NCKAP5: variants seen among roughly 807,000 people sequenced by gnomAD.
NCKAP5 encodes nck-associated protein 5.
In NCKAP5, 92 loss-of-function variants were observed where a neutral mutation model predicts 167.0. That is an observed-to-expected ratio of 0.55 (90% confidence interval 0.47 to 0.66). The LOEUF (loss-of-function observed/expected upper bound fraction) is 0.66. NCKAP5 is among the 30% of genes least tolerant of loss of function. The probability of loss-of-function intolerance (pLI) is 0.00; values close to 1 mark genes in which losing one functional copy is unlikely to be tolerated. For missense variants in NCKAP5, 2,378 were observed against 2,315.0 expected (o/e 1.03, Z -0.56); for synonymous variants, 891 against 877.4 (o/e 1.02, Z -0.27).
At chr2:133,418,420 C>T (rs1215972955) in intron 3 of NCKAP5, among the ~76,000 whole-genome samples, 1 of 152,160 alleles carries the variant, frequency 6.6e-6, no homozygotes, top group Non-Finnish European at 1.5e-5. Context: ...ACACTGTACC[C>T]AAGTATGTAG....
chr2:132,828,915 G>A (rs1375735998), intron 11 of NCKAP5, among the ~76,000 whole-genome samples: 1 of 152,144 alleles, frequency 6.6e-6, no homozygotes, highest in Non-Finnish European at 1.5e-5. Flanking sequence ...GCCTGTGGAG[G>A]CTTGCTCTGG....
In NCKAP5 at chr2:132,784,750, C is replaced by G; in HGVS notation, c.2061G>C (p.Gly687=). The G allele has an allele frequency of 6.2e-7, 1 of 1,613,696 alleles. No individual in the cohort carries two copies. Among genetic ancestry groups the G allele is most frequent in the Non-Finnish European group, 8.5e-7 (1 of 1,179,712 alleles). Residue 687 remains glycine (G), a synonymous_variant, in exon 14 of 20, where the codon GGG becomes GGC. Coordinates refer to ENST00000409261, the MANE Select transcript of NCKAP5 (RefSeq NM_207363.3). Reference sequence around the variant, plus strand: ...TCTCATTTCTGGTAACAGTGACAACCCCAGTCTGGTGAGAGCTGAATTCAA... The same window carrying G: ...TCTCATTTCTGGTAACAGTGACAACGCCAGTCTGGTGAGAGCTGAATTCAA... ...EPIEFSSHQT[G]VVTVTRNEIS...
intron 6 of NCKAP5, among the ~76,000 whole-genome samples, chr2:133,101,622 C>T (rs1189048886): frequency 6.6e-6 from 1 of 151,990 alleles, no homozygotes; most frequent in Non-Finnish European, 1.5e-5. Flanking sequence ...CCTTCACATC[C>T]CTTGTAAGTT....
chr2:133,449,566 C>A (rs1691417519), intron 3 of NCKAP5, among the ~76,000 whole-genome samples: 1 of 152,108 alleles, frequency 6.6e-6, no homozygotes, highest in South Asian at 2.1e-4. Context: ...CTTGAGAATT[C>A]TTTGAACAAG....
intron 8 of NCKAP5, among the ~76,000 whole-genome samples, chr2:132,908,590 C>T (rs148350476): frequency 3.1e-4 from 47 of 152,220 alleles, no homozygotes; most frequent in Admixed American, 1.4e-3. Flanking sequence ...TGTTTTTAAG[C>T]CTCTTGATTT....
intron 6 of NCKAP5, among the ~76,000 whole-genome samples, chr2:133,023,814 A>T (rs1213739508): frequency 6.6e-6 from 1 of 152,148 alleles, no homozygotes; most frequent in East Asian, 1.9e-4. Context: ...ATTCCATGGT[A>T]TATATGTACC....
chr2:133,127,443 T>C (rs1305332985), intron 6 of NCKAP5, among the ~76,000 whole-genome samples: 1 of 152,188 alleles, frequency 6.6e-6, no homozygotes, highest in African/African-American at 2.4e-5. Context: ...TATAATAGGA[T>C]AAAAGTCCTT....
At chr2:133,348,593 T>C (rs777176034) in intron 3 of NCKAP5, among the ~76,000 whole-genome samples, 1 of 152,148 alleles carries the variant, frequency 6.6e-6, no homozygotes, top group Non-Finnish European at 1.5e-5. Context: ...CCACACGTCA[T>C]ACTACAATTT....
At chr2:133,090,937 C>T (rs754251107) in intron 6 of NCKAP5, among the ~76,000 whole-genome samples, 16 of 152,070 alleles carry the variant, frequency 1.1e-4, no homozygotes, top group Non-Finnish European at 1.5e-4. Flanking sequence ...AATTGTAATC[C>T]GCAGTGTTAG....
At chr2:133,547,558 G>A (rs1485739562) in intron 2 of NCKAP5, among the ~76,000 whole-genome samples, 119 of 142,122 alleles carry the variant, frequency 8.4e-4, no homozygotes, top group African/African-American at 1.4e-3. Flanking sequence ...CTCCTCAAGT[G>A]GGTCCCTGAC....
At chr2:132,995,749 T>A (rs2077578358) in intron 6 of NCKAP5, among the ~76,000 whole-genome samples, 1 of 151,890 alleles carries the variant, frequency 6.6e-6, no homozygotes, top group Non-Finnish European at 1.5e-5. Flanking sequence ...CTGACGTGAG[T>A]GGATCACCTG....
intron 11 of NCKAP5, among the ~76,000 whole-genome samples, chr2:132,821,586 C>T (rs773971780): frequency 6.6e-5 from 10 of 152,086 alleles, no homozygotes; most frequent in Non-Finnish European, 1.0e-4. Context: ...AGTGAGCTAG[C>T]GAAGGAGCTA....
At chr2:133,272,002 A>G (rs2089535363) in intron 4 of NCKAP5, among the ~76,000 whole-genome samples, 1 of 152,056 alleles carries the variant, frequency 6.6e-6, no homozygotes, top group Admixed American at 6.5e-5. Flanking sequence ...TAATTTTTCT[A>G]TATATTTGAA....
intron 4 of NCKAP5, among the ~76,000 whole-genome samples, chr2:133,290,109 A>T (rs1679464799): frequency 6.6e-6 from 1 of 152,220 alleles, no homozygotes; most frequent in African/African-American, 2.4e-5. Flanking sequence ...ATTCAAGTGT[A>T]TGTTGGTCTT....
chr2:133,570,592 C>T (rs183147925), upstream of NCKAP5, among the ~76,000 whole-genome samples: 345 of 152,304 alleles, frequency 2.3e-3, 2 homozygotes, highest in African/African-American at 7.8e-3. Flanking sequence ...AGACTCTGTC[C>T]ACCTTCAGAA....
intron 6 of NCKAP5, among the ~76,000 whole-genome samples, chr2:133,023,129 C>T (rs185251739): frequency 1.2e-4 from 18 of 152,252 alleles, no homozygotes; most frequent in Admixed American, 9.8e-4. Context: ...ATGCCTGGAT[C>T]CCAGATGCAC....
At position 133,026,811 on chromosome 2, in the gene NCKAP5, G is replaced by A. The variant is rs1426583153; in HGVS notation, c.342-32572C>T. Among the ~76,000 whole-genome samples the A allele has an allele frequency of 2.6e-5, 4 of 152,128 alleles. No homozygotes were observed. In the East Asian group the frequency reaches 7.7e-4, roughly 29 times the overall value. ...CTATAGACAAAGTTCCTATCACTGTGGTCCATTGTGCTCATTGAGATACAC... is the reference window on the plus strand; with the variant it reads ...CTATAGACAAAGTTCCTATCACTGTAGTCCATTGTGCTCATTGAGATACAC... On this transcript the variant is annotated intron_variant, in intron 6 of 19. Coordinates refer to ENST00000409261, the MANE Select transcript of NCKAP5 (RefSeq NM_207363.3).
chr2:133,608,188 C>G, the NCKAP5 span, among the ~76,000 whole-genome samples: 314 of 152,196 alleles, frequency 2.1e-3, 4 homozygotes, highest in African/African-American at 7.2e-3. Flanking sequence ...AAAGCCATAC[C>G]AACATAATCC....
intron 8 of NCKAP5, among the ~76,000 whole-genome samples, chr2:132,907,070 C>G (rs1438377200): frequency 6.6e-6 from 1 of 152,150 alleles, no homozygotes; most frequent in Non-Finnish European, 1.5e-5. Context: ...TTTAAATATG[C>G]AAGAGCAGAA....
Sources: allele counts gnomAD v4.1 joint callset (sites outside exome capture counted in the v4.1 genomes callset), GRCh38; gene constraint gnomAD v4.1.1; transcripts MANE v1.5; gene names NCBI Gene and HGNC (gene_info 2026-07-23, HGNC 2026-07-21).